Variants in MYO1B observed in about 807,000 individuals in gnomAD.
The protein encoded by MYO1B is unconventional myosin-Ib.
MYO1B carries 72 observed loss-of-function variants against 159.7 expected under a neutral mutation model. That is an observed-to-expected ratio of 0.45 (90% CI 0.37 to 0.55). The LOEUF is 0.55. Among genes scored for constraint, MYO1B ranks in the 20% least tolerant of loss-of-function variants. The pLI is 0.00. For synonymous variants in MYO1B, 468 were observed against 473.8 expected (o/e 0.99, Z 0.16); for missense variants, 1,062 against 1,364.8 (o/e 0.78, Z 3.50).
chr2:191,417,869 T>C (rs1697673372), intron 30 of MYO1B, among the ~76,000 whole-genome samples: 1 of 152,198 alleles, frequency 6.6e-6, no homozygotes, highest in Non-Finnish European at 1.5e-5. Context: ...ACAGAGCTCC[T>C]TCAGCAGCTC....
rs147264229 is a variant in MYO1B, at chr2:191,251,976, T to G, written c.-10+6350T>G. 5.8e-4 allele frequency among the ~76,000 whole-genome samples: 89 copies of G among 152,334 alleles called. 1 individual carries two copies. In the East Asian group the frequency reaches 0.01, roughly 17 times the overall value. On this transcript the variant is annotated intron_variant, in intron 1 of 30. Transcript: ENST00000392318. ...TTTTATATTAGATCCTGAATTGCTA[T>G]TTGTGATGTTCAGATTGCAAATATA...
In MYO1B at chr2:191,424,125, T is replaced by G; in HGVS notation, c.*165T>G. The G allele has an allele frequency of 1.2e-6, 1 of 801,446 alleles. No homozygotes were observed. Among genetic ancestry groups the G allele is most frequent in the East Asian group, 2.5e-5 (1 of 39,534 alleles). 49.6% of individuals were successfully genotyped at this position (801,446 alleles called of 1,614,324 possible). On this transcript the variant is annotated 3_prime_UTR_variant, in exon 31 of 31. Transcript: ENST00000392318. ...ATCAATTTTTATTATTGGAATAGTT[T>G]TAACCTTTCAAATACATGTTCTGTC...
At chr2:191,406,073 C>G (rs76663297) in intron 24 of MYO1B, among the ~76,000 whole-genome samples, 2 of 152,190 alleles carry the variant, frequency 1.3e-5, no homozygotes, top group African/African-American at 4.8e-5. Flanking sequence ...TTCTGGATAA[C>G]TTTCTGCAGC....
chr2:191,357,093 G>A (rs1440568061), intron 7 of MYO1B, among the ~76,000 whole-genome samples: 1 of 152,168 alleles, frequency 6.6e-6, no homozygotes, highest in Non-Finnish European at 1.5e-5. Context: ...AAATAATGAA[G>A]CTTTTATCAT....
rs889242936 is a variant in MYO1B at position 191,399,346 on chromosome 2, A to G, written c.2296-1036A>G. On this transcript the variant is annotated intron_variant, in intron 21 of 30. Coordinates refer to ENST00000392318, the MANE Select transcript of MYO1B (RefSeq NM_001130158.3). The stretch of plus-strand genomic sequence containing the variant: ...TGATTTCATGACATATGAAAAGTAT[A>G]TGGAATAGAGATTTCAGTGTACATA... Among the ~76,000 whole-genome samples, 12 of 152,174 alleles carry G rather than the reference A, an allele frequency of 7.9e-5. 1 individual carries two copies. Among genetic ancestry groups the G allele is most frequent in the African/African-American group, 2.9e-4 (12 of 41,428 alleles).
chr2:191,398,994 G>A (rs974762027), intron 21 of MYO1B, among the ~76,000 whole-genome samples: 4 of 152,222 alleles, frequency 2.6e-5, no homozygotes, highest in African/African-American at 9.6e-5. Flanking sequence ...CTGAGTGAAC[G>A]AGACTCCGTC....
At chr2:191,294,802 A>G (rs1339216467) in intron 2 of MYO1B, among the ~76,000 whole-genome samples, 1 of 152,086 alleles carries the variant, frequency 6.6e-6, no homozygotes, top group Non-Finnish European at 1.5e-5. Context: ...GTGTTTATAT[A>G]TATATATAAC....
intron 3 of MYO1B, among the ~76,000 whole-genome samples, chr2:191,313,644 A>G (rs1213597471): frequency 2.0e-5 from 3 of 152,154 alleles, no homozygotes; most frequent in African/African-American, 7.2e-5. Flanking sequence ...TCGGCCCCCC[A>G]AAGTGCTGGG....
At chr2:191,272,484 C>A (rs140414068) in intron 1 of MYO1B, among the ~76,000 whole-genome samples, 75 of 152,330 alleles carry the variant, frequency 4.9e-4, no homozygotes, top group African/African-American at 1.8e-3. Flanking sequence ...GGTGGCACCT[C>A]TCCTGGGCTA....
chr2:191,408,225 T>C, intron 25 of MYO1B, 36 bp downstream of exon 25: 1 of 1,496,378 alleles, frequency 6.7e-7, no homozygotes, highest in Admixed American at 1.7e-5. Context: ...ATAATCAGCA[T>C]TGTGGAATTA....
In MYO1B at chr2:191,385,901, G is replaced by A; in HGVS notation, c.1371G>A (p.Leu457=). 1 of 1,614,094 alleles carries A rather than the reference G, an allele frequency of 6.2e-7. No individual in the cohort carries two copies. The highest frequency in any genetic ancestry group is 8.5e-7 in the Non-Finnish European group (1 of 1,179,966). ...TTTCCCAGAACACAAATGGAATCCT[G>A]GCCATGCTGGATGAAGAGTGCCTCA... The part of the protein sequence containing the change: ...DLIENNTNGI[L]AMLDEECLRP... Residue 457 remains leucine (L), a synonymous_variant, in exon 16 of 31, where the codon CTG becomes CTA. Transcript: ENST00000392318.
intron 4 of MYO1B, 105 bp from the exon 5 acceptor site, chr2:191,341,356 C>A: frequency 2.5e-6 from 2 of 797,944 alleles, no homozygotes; most frequent in Non-Finnish European, 4.1e-6. Context: ...GGAATAAAGA[C>A]ATTTGAAAAT....
intron 28 of MYO1B, 29 bp downstream of exon 28, chr2:191,414,209 A>G (rs780678225): frequency 6.3e-7 from 1 of 1,595,418 alleles, no homozygotes; most frequent in South Asian, 1.2e-5. Context: ...AAGACTGATA[A>G]GAAGTACCTA....
At chr2:191,360,271 G>A (rs1220037006) in intron 7 of MYO1B, among the ~76,000 whole-genome samples, 1 of 152,128 alleles carries the variant, frequency 6.6e-6, no homozygotes, top group Non-Finnish European at 1.5e-5. Context: ...AAATTACTAG[G>A]TAGACTCATA....
At chr2:191,358,707 G>A (rs563797909) in intron 7 of MYO1B, among the ~76,000 whole-genome samples, 1 of 152,116 alleles carries the variant, frequency 6.6e-6, no homozygotes, top group Admixed American at 6.5e-5. Context: ...CCAAACAATC[G>A]CTTGTCATCA....
intron 3 of MYO1B, among the ~76,000 whole-genome samples, chr2:191,327,251 A>G (rs1038789541): frequency 6.6e-6 from 1 of 152,088 alleles, no homozygotes; most frequent in African/African-American, 2.4e-5. Flanking sequence ...ATGACTTGGT[A>G]TTGGTTACAT....
intron 23 of MYO1B, 71 bp from the exon 24 acceptor site, chr2:191,402,561 A>G (rs1017594113): frequency 3.8e-5 from 49 of 1,289,410 alleles, no homozygotes; most frequent in Non-Finnish European, 5.1e-5. Flanking sequence ...GTTTGGTGGG[A>G]TATCTTTTTC....
intron 3 of MYO1B, among the ~76,000 whole-genome samples, chr2:191,312,552 T>TA (rs1426905252): frequency 1.3e-5 from 2 of 152,254 alleles, no homozygotes; most frequent in Non-Finnish European, 2.9e-5. Flanking sequence ...GTTTCCTATT[T>TA]AAGTATTAGA....
At chr2:191,403,143 G>A (rs112801523) in intron 24 of MYO1B, among the ~76,000 whole-genome samples, 4 of 152,272 alleles carry the variant, frequency 2.6e-5, no homozygotes, top group African/African-American at 9.6e-5. Flanking sequence ...ATGGCTGCCT[G>A]CAGTAGAGCT....
Sources: gnomAD v4.1 joint callset for allele counts (sites outside exome capture counted in the v4.1 genomes callset) on GRCh38, gnomAD v4.1.1 for gene constraint, MANE v1.5 for transcripts, NCBI Gene and HGNC (gene_info 2026-07-23, HGNC 2026-07-21) for gene names.